The following DPYD variants were observed in gnomAD, a reference collection of about 807,000 sequenced individuals.
The protein encoded by DPYD is dihydropyrimidine dehydrogenase.
DPYD carries 109 observed loss-of-function variants against 116.2 expected under a neutral mutation model. That is an observed-to-expected ratio of 0.94 (90% CI 0.80 to 1.10). The LOEUF (loss-of-function observed/expected upper bound fraction) is 1.10, where lower values mean the gene tolerates loss of function less well. DPYD is among the 50% of genes least tolerant of loss of function. The pLI is 0.00. For synonymous variants in DPYD, 440 were observed against 432.0 expected (o/e 1.02, Z -0.23); for missense variants, 1,302 against 1,254.5 (o/e 1.04, Z -0.57).
intron 13 of DPYD, among the ~76,000 whole-genome samples, chr1:97,454,221 T>C (rs1434153729): frequency 6.6e-6 from 1 of 152,014 alleles, no homozygotes; most frequent in Non-Finnish European, 1.5e-5. Flanking sequence ...TTGAGACTTT[T>C]AGAATTTTTA....
At chr1:97,719,717 C>T (rs1417504455) in intron 5 of DPYD, 1 of 984,920 alleles carries the variant, frequency 1.0e-6, no homozygotes, top group Non-Finnish European at 1.2e-6. Flanking sequence ...AAATCAGGCA[C>T]CCTAATCGGC....
chr1:97,439,206 C>G (rs898026878), intron 14 of DPYD, among the ~76,000 whole-genome samples: 4 of 151,954 alleles, frequency 2.6e-5, no homozygotes, highest in Middle Eastern at 3.4e-3. Context: ...CAAATATTAA[C>G]CCTATCTGGA....
At chr1:97,713,362 G>A (rs1364999884) in intron 5 of DPYD, among the ~76,000 whole-genome samples, 4 of 152,038 alleles carry the variant, frequency 2.6e-5, no homozygotes, top group East Asian at 3.9e-4. Context: ...TTAACCATGC[G>A]ATTTCGTTAA....
At chr1:97,607,057 T>C (rs1405176316) in intron 8 of DPYD, among the ~76,000 whole-genome samples, 1 of 151,998 alleles carries the variant, frequency 6.6e-6, no homozygotes, top group East Asian at 1.9e-4. Context: ...ATTCTATATA[T>C]GGCATTCAAA....
At chr1:97,502,849 TA>T (rs989524120) in intron 13 of DPYD, among the ~76,000 whole-genome samples, 5 of 151,902 alleles carry the variant, frequency 3.3e-5, no homozygotes, top group African/African-American at 7.3e-5. Context: ...TATATTTATT[TA>T]AAAAAAATTC....
At chr1:97,394,112 A>G (rs1201190898) in intron 14 of DPYD, 1 of 152,026 alleles carries the variant, frequency 6.6e-6, no homozygotes, top group Non-Finnish European at 1.5e-5. Context: ...GTCTGTTCAT[A>G]TCCTTCACCC....
chr1:97,164,723 G>T (rs920972423), intron 20 of DPYD, among the ~76,000 whole-genome samples: 14 of 152,084 alleles, frequency 9.2e-5, no homozygotes, highest in Admixed American at 2.6e-4. Context: ...AACCATGGAC[G>T]TGAAAGATCG....
At chr1:97,461,339 T>G (rs755094616) in intron 13 of DPYD, among the ~76,000 whole-genome samples, 1 of 152,206 alleles carries the variant, frequency 6.6e-6, no homozygotes, top group Non-Finnish European at 1.5e-5. Flanking sequence ...GTTAAATCTG[T>G]CTACTTTCAA....
intron 3 of DPYD, among the ~76,000 whole-genome samples, chr1:97,774,018 T>C (rs773556860): frequency 2.0e-5 from 3 of 152,178 alleles, no homozygotes; most frequent in Non-Finnish European, 4.4e-5. Context: ...TAACACACGT[T>C]CACTGGAGCT....
intron 18 of DPYD, among the ~76,000 whole-genome samples, chr1:97,302,857 G>A (rs2101027616): frequency 6.6e-6 from 1 of 152,012 alleles, no homozygotes; most frequent in South Asian, 2.1e-4. Flanking sequence ...AAACTTGATT[G>A]CATAGTATAC....
intron 12 of DPYD, chr1:97,546,436 T>C (rs893466610): frequency 6.3e-7 from 1 of 1,594,462 alleles, no homozygotes; most frequent in Middle Eastern, 1.7e-4. Flanking sequence ...TAGAGATTCC[T>C]GAAGTGAGAA....
intron 18 of DPYD, among the ~76,000 whole-genome samples, chr1:97,274,204 C>G (rs1356553591): frequency 2.6e-5 from 4 of 152,128 alleles, no homozygotes; most frequent in African/African-American, 9.7e-5. Flanking sequence ...TTTGTCCCCT[C>G]CAAATCTCAG....
intron 3 of DPYD, among the ~76,000 whole-genome samples, chr1:97,776,671 GAAACTGAT>G (rs1226838002): frequency 6.6e-6 from 1 of 152,164 alleles, no homozygotes; most frequent in African/African-American, 2.4e-5. Context: ...AAAAGACAGA[GAAACTGAT>G]ACTCAGCTTC....
intron 2 of DPYD, among the ~76,000 whole-genome samples, chr1:97,840,511 G>A (rs1025813396): frequency 6.6e-6 from 1 of 151,838 alleles, no homozygotes; most frequent in Non-Finnish European, 1.5e-5. Flanking sequence ...CTTATTCTTT[G>A]CCACATTCAC....
intron 19 of DPYD, among the ~76,000 whole-genome samples, chr1:97,223,104 G>A (rs1327314333): frequency 6.6e-6 from 1 of 152,120 alleles, no homozygotes; most frequent in East Asian, 1.9e-4. Context: ...CTGCACTCAA[G>A]TGGAAACAGT....
chr1:97,534,160 C>T (rs1366733293), intron 12 of DPYD, among the ~76,000 whole-genome samples: 3 of 152,162 alleles, frequency 2.0e-5, no homozygotes, highest in Non-Finnish European at 4.4e-5. Context: ...AAGGTAACCA[C>T]TGTTCTAGGG....
chr1:97,210,985 AAT>A (rs1659996009), intron 19 of DPYD, among the ~76,000 whole-genome samples: 2 of 152,162 alleles, frequency 1.3e-5, no homozygotes, highest in Non-Finnish European at 2.9e-5. Flanking sequence ...GCCTCACTGC[AAT>A]ACTTTCTTTA....
intron 3 of DPYD, among the ~76,000 whole-genome samples, chr1:97,760,686 A>G (rs2101126125): frequency 6.6e-6 from 1 of 152,250 alleles, no homozygotes; most frequent in South Asian, 2.1e-4. Flanking sequence ...GAGGGCACCT[A>G]AAGAACAACT....
chr1:97,516,675 G>T (rs1648257194), intron 12 of DPYD, among the ~76,000 whole-genome samples: 1 of 151,970 alleles, frequency 6.6e-6, no homozygotes, highest in South Asian at 2.1e-4. Context: ...AGGATTATTG[G>T]AATGATTTAA....
Sources: allele counts gnomAD v4.1 joint callset (sites outside exome capture counted in the v4.1 genomes callset), GRCh38; gene constraint gnomAD v4.1.1; transcripts MANE v1.5; gene names NCBI Gene and HGNC (gene_info 2026-07-23, HGNC 2026-07-21).